The following ANKS1B variants were observed in gnomAD, a reference collection of about 807,000 sequenced individuals.
The protein encoded by ANKS1B is ankyrin repeat and sterile alpha motif domain-containing protein 1B.
In ANKS1B, 36 loss-of-function variants were observed where a neutral mutation model predicts 148.3. The observed-to-expected ratio is 0.24, with a 90% confidence interval of 0.19 to 0.32. ANKS1B has a LOEUF of 0.32. Among genes scored for constraint, ANKS1B ranks in the 10% least tolerant of loss-of-function variants. ANKS1B has a pLI of 1.00. For synonymous variants in ANKS1B, 542 were observed against 560.8 expected (o/e 0.97, Z 0.47); for missense variants, 1,157 against 1,542.6 (o/e 0.75, Z 4.19).
At chr12:98,841,814 C>A (rs951303426) in intron 17 of ANKS1B, among the ~76,000 whole-genome samples, 6 of 152,048 alleles carry the variant, frequency 3.9e-5, no homozygotes, top group African/African-American at 1.4e-4. Context: ...CCTTTGTCCC[C>A]ACCCCCACCA....
chr12:99,205,448 A>C (rs2712663), intron 14 of ANKS1B, among the ~76,000 whole-genome samples: 128,994 of 152,092 alleles, frequency 0.85, 55,272 homozygotes, highest in East Asian at 1. Flanking sequence ...GTTGTTGTTG[A>C]AACTTAATCT....
At chr12:99,310,877 A>G (rs1256298395) in intron 12 of ANKS1B, among the ~76,000 whole-genome samples, 1 of 152,188 alleles carries the variant, frequency 6.6e-6, no homozygotes, top group Admixed American at 6.5e-5. Context: ...TTTGAATTAC[A>G]GCTTTGTCAC....
intron 1 of ANKS1B, among the ~76,000 whole-genome samples, chr12:99,965,869 G>A (rs750491015): frequency 2.0e-5 from 3 of 152,096 alleles, no homozygotes; most frequent in South Asian, 2.1e-4. Context: ...CCAAAATTGC[G>A]CCACTGCACT....
At chr12:98,966,947 G>A (rs1336425170) in intron 17 of ANKS1B, among the ~76,000 whole-genome samples, 1 of 151,900 alleles carries the variant, frequency 6.6e-6, no homozygotes, top group Non-Finnish European at 1.5e-5. Flanking sequence ...TAAATGACGA[G>A]TAAATGGGTG....
chr12:99,231,957 A>C (rs1267215084), intron 14 of ANKS1B, among the ~76,000 whole-genome samples: 2 of 152,002 alleles, frequency 1.3e-5, no homozygotes, highest in Non-Finnish European at 2.9e-5. Flanking sequence ...GAGAGCATTT[A>C]CTCTGCCTTA....
intron 17 of ANKS1B, among the ~76,000 whole-genome samples, chr12:98,962,701 CA>C: frequency 6.6e-6 from 1 of 152,038 alleles, no homozygotes; most frequent in East Asian, 1.9e-4. Context: ...GGCCACAAAA[CA>C]AGTCTAAAAA....
chr12:98,800,951 C>T (rs1042410483), intron 21 of ANKS1B, 46 bp downstream of exon 21: 12 of 1,570,990 alleles, frequency 7.6e-6, no homozygotes, highest in South Asian at 2.4e-5. Context: ...GAAAACATAC[C>T]CCCTATCTCC....
At chr12:99,630,991 G>C (rs2098154145) in intron 9 of ANKS1B, among the ~76,000 whole-genome samples, 2 of 152,136 alleles carry the variant, frequency 1.3e-5, no homozygotes, top group South Asian at 2.1e-4. Flanking sequence ...AGTCTCAAGA[G>C]AGCTGATGGC....
chr12:98,884,504 ACT>A (rs1166267664), intron 17 of ANKS1B, among the ~76,000 whole-genome samples: 1 of 152,156 alleles, frequency 6.6e-6, no homozygotes, highest in African/African-American at 2.4e-5. Flanking sequence ...GGCTTTAGAA[ACT>A]ATCTATTTGG....
At chr12:99,791,101 A>C (rs2153644542) in intron 4 of ANKS1B, among the ~76,000 whole-genome samples, 1 of 152,180 alleles carries the variant, frequency 6.6e-6, no homozygotes, top group East Asian at 1.9e-4. Flanking sequence ...TGTCAACAGA[A>C]ACCAAAAAAC....
chr12:99,318,849 C>T lies in ANKS1B; in HGVS notation c.1757-71985G>A, dbSNP rs567021751. ...CTCTACACATTGCTTTAAATGTGTCCCAGAGATTCTGGTGTGTTGTGTCTT... is the reference window on the plus strand; with the variant it reads ...CTCTACACATTGCTTTAAATGTGTCTCAGAGATTCTGGTGTGTTGTGTCTT... On this transcript the variant is annotated intron_variant, in intron 12 of 26. Coordinates refer to ENST00000683438, the MANE Select transcript of ANKS1B (RefSeq NM_001352186.2). 4.6e-5 allele frequency among the ~76,000 whole-genome samples: 7 copies of T among 151,734 alleles called. 1 individual carries two copies. Among genetic ancestry groups the T allele is most frequent in the African/African-American group, 1.7e-4 (7 of 41,392 alleles).
chr12:99,113,892 A>G (rs995784239), intron 15 of ANKS1B, among the ~76,000 whole-genome samples: 1 of 152,218 alleles, frequency 6.6e-6, no homozygotes, highest in East Asian at 1.9e-4. Context: ...AATGGTAATC[A>G]AGATCCTCTA....
Position 98,773,198 on chromosome 12 carries a change from A to G in ANKS1B, c.3442-19T>C. Reference sequence around the variant, plus strand: ...TTATGTTCTGGAAGAAATGACATAAATGATCATTGTTTTCCTCTGCGAACC... The same window carrying G: ...TTATGTTCTGGAAGAAATGACATAAGTGATCATTGTTTTCCTCTGCGAACC... On this transcript the variant is annotated intron_variant, in intron 24 of 26. Transcript: ENST00000683438. 1 of 1,594,398 alleles carries G rather than the reference A, an allele frequency of 6.3e-7. No individual in the cohort carries two copies.
intron 9 of ANKS1B, chr12:99,648,046 AAAAG>A (rs1394778442): frequency 1.5e-6 from 2 of 1,346,882 alleles, no homozygotes; most frequent in Non-Finnish European, 1.0e-6. Flanking sequence ...TTGGGGACAA[AAAAG>A]AAAGCCTGCA....
intron 17 of ANKS1B, among the ~76,000 whole-genome samples, chr12:98,945,215 G>T (rs1951383998): frequency 6.6e-6 from 1 of 152,088 alleles, no homozygotes; most frequent in African/African-American, 2.4e-5. Context: ...TAACAGAAGG[G>T]CCCAGCATGT....
intron 12 of ANKS1B, among the ~76,000 whole-genome samples, chr12:99,328,437 G>T (rs1206537887): frequency 6.6e-6 from 1 of 152,066 alleles, no homozygotes; most frequent in South Asian, 2.1e-4. Flanking sequence ...TGGCAAGACT[G>T]CCCAGTGCCC....
intron 11 of ANKS1B, among the ~76,000 whole-genome samples, chr12:99,419,495 C>T (rs7132138): frequency 0.41 from 62,989 of 151,844 alleles, 13,655 homozygotes; most frequent in African/African-American, 0.54. Flanking sequence ...TCTTTTTTCT[C>T]TCAGTTTCAC....
chr12:99,874,178 T>C (rs996745215), intron 1 of ANKS1B, among the ~76,000 whole-genome samples: 2 of 151,980 alleles, frequency 1.3e-5, no homozygotes, highest in African/African-American at 4.8e-5. Context: ...TTAAAACTGT[T>C]TCTAGGTCAC....
At chr12:99,084,755 C>A (rs767110120) in intron 16 of ANKS1B, among the ~76,000 whole-genome samples, 170 bp downstream of exon 16, 6 of 152,014 alleles carry the variant, frequency 3.9e-5, no homozygotes, top group Non-Finnish European at 8.8e-5. Context: ...CCAAGTGTGG[C>A]CCATAGTAGT....
Sources: gnomAD v4.1 joint callset for allele counts (sites outside exome capture counted in the v4.1 genomes callset) on GRCh38, gnomAD v4.1.1 for gene constraint, MANE v1.5 for transcripts, NCBI Gene and HGNC (gene_info 2026-07-23, HGNC 2026-07-21) for gene names.